Variants in CSMD2 observed in about 807,000 individuals in gnomAD.
The protein encoded by CSMD2 is CUB and sushi domain-containing protein 2.
Under a neutral mutation model 398.5 loss-of-function variants are expected in CSMD2, and 130 were observed. The ratio of observed to expected loss-of-function variants is 0.33; its 90% CI spans 0.28 to 0.38. The LOEUF (loss-of-function observed/expected upper bound fraction) is 0.38, where lower values mean the gene tolerates loss of function less well. Ranked by LOEUF, CSMD2 falls within the 10% of genes least tolerant of loss-of-function variation. The probability of loss-of-function intolerance (pLI) is 1.00; values close to 1 mark genes in which losing one functional copy is unlikely to be tolerated. For synonymous variants in CSMD2, 1,828 were observed against 1,908.5 expected (o/e 0.96, Z 1.10); for missense variants, 3,829 against 4,764.9 (o/e 0.80, Z 5.78).
At chr1:33,550,424 T>C (rs1557520800) in intron 55 of CSMD2, 74 bp from the exon 56 acceptor site, 1 of 1,464,474 alleles carries the variant, frequency 6.8e-7, no homozygotes, top group East Asian at 2.3e-5. Context: ...ATGCTAGGCT[T>C]CTTTAAGCAA....
chr1:33,595,811 C>T (rs1248286940), intron 44 of CSMD2, among the ~76,000 whole-genome samples: 2 of 152,188 alleles, frequency 1.3e-5, no homozygotes, highest in Admixed American at 6.5e-5. Context: ...AGCCCTGGTC[C>T]ATTTTAGTGG....
chr1:33,978,363 G>A (rs903141728), intron 3 of CSMD2, among the ~76,000 whole-genome samples: 3 of 152,090 alleles, frequency 2.0e-5, no homozygotes, highest in East Asian at 3.9e-4. Flanking sequence ...ATTTAGCACC[G>A]TGTTCCAGGC....
At chr1:34,024,465 A>G (rs937338592) in intron 3 of CSMD2, among the ~76,000 whole-genome samples, 1 of 152,258 alleles carries the variant, frequency 6.6e-6, no homozygotes, top group Non-Finnish European at 1.5e-5. Context: ...ATTACTATGC[A>G]TGATGAACTA....
At chr1:33,814,527 C>A (rs1395626782) in intron 9 of CSMD2, among the ~76,000 whole-genome samples, 1 of 152,102 alleles carries the variant, frequency 6.6e-6, no homozygotes, top group Non-Finnish European at 1.5e-5. Flanking sequence ...TTGGAGGGAA[C>A]AGAAGCCATA....
At chr1:33,818,745 A>T (rs1657760623) in intron 9 of CSMD2, among the ~76,000 whole-genome samples, 1 of 152,056 alleles carries the variant, frequency 6.6e-6, no homozygotes, top group Non-Finnish European at 1.5e-5. Context: ...TTATAGTGAC[A>T]CTCTTCTAGA....
At chr1:33,630,660 T>C (rs1056605069) in intron 32 of CSMD2, among the ~76,000 whole-genome samples, 3 of 152,200 alleles carry the variant, frequency 2.0e-5, no homozygotes, top group Non-Finnish European at 4.4e-5. Flanking sequence ...CCTTGGCTAC[T>C]GAAGGGACTT....
intron 53 of CSMD2, among the ~76,000 whole-genome samples, chr1:33,564,558 C>G (rs1658874999): frequency 3.3e-5 from 5 of 152,200 alleles, no homozygotes; most frequent in African/African-American, 1.2e-4. Flanking sequence ...TGACTGAATA[C>G]AGATGGAACT....
rs963151536 is a variant in CSMD2 at position 33,649,398 on chromosome 1, C to T, written c.4587-2563G>A. ...GTGGCTCATGTCTGTAATCTCAGCA[C>T]TTTGGGAGGCCAAGGTGGGCAGGTC... On this transcript the variant is annotated intron_variant, in intron 28 of 70. Coordinates refer to ENST00000373381, the MANE Select transcript of CSMD2 (RefSeq NM_001281956.2). 2.6e-5 allele frequency among the ~76,000 whole-genome samples: 4 copies of T among 152,202 alleles called. No individual in the cohort carries two copies. The East Asian group carries it at 7.7e-4, about 29-fold the overall frequency.
chr1:33,646,893 G>A lies in CSMD2; in HGVS notation c.4587-58C>T, dbSNP rs148751503. 1,672 of 1,527,184 alleles carry A rather than the reference G, an allele frequency of 1.1e-3. 1 individual carries two copies. The highest frequency in any genetic ancestry group is 4.5e-3 in the East Asian group (183 of 40,998). 94.6% of individuals were successfully genotyped at this position (1,527,184 alleles called of 1,614,324 possible). On this transcript the variant is annotated intron_variant, in intron 28 of 70. Transcript: ENST00000373381. ...CTAAGGTCAAATAAAGGCTTTTGCC[G>A]GGGTCTTAGGCTCAACCAAAGCATA...
At chr1:33,997,487 T>C (rs1646764146) in intron 3 of CSMD2, among the ~76,000 whole-genome samples, 1 of 152,202 alleles carries the variant, frequency 6.6e-6, no homozygotes, top group Non-Finnish European at 1.5e-5. Flanking sequence ...CCCAGCTCAT[T>C]TGCATGGTGG....
At chr1:33,736,458 G>T (rs966082200) in intron 15 of CSMD2, among the ~76,000 whole-genome samples, 6 of 151,858 alleles carry the variant, frequency 4.0e-5, no homozygotes, top group Admixed American at 3.3e-4. Context: ...TCCAGCCTGG[G>T]CGACAGCAAG....
intron 33 of CSMD2, among the ~76,000 whole-genome samples, chr1:33,626,278 C>T (rs1319147907): frequency 6.6e-6 from 1 of 152,170 alleles, no homozygotes; most frequent in Admixed American, 6.5e-5. Flanking sequence ...CCTCATTAAA[C>T]ACAGAACTTG....
chr1:33,645,023 T>C (rs1269475058), intron 29 of CSMD2, among the ~76,000 whole-genome samples: 5 of 152,062 alleles, frequency 3.3e-5, no homozygotes, highest in Admixed American at 6.6e-5. Context: ...AGTTGATGGA[T>C]ATAGAGCACT....
Position 33,553,891 on chromosome 1 carries a change from A to G in CSMD2, c.8744-3541T>C, listed in dbSNP as rs1046405822. Among the ~76,000 whole-genome samples, 3 of 152,246 alleles carry G rather than the reference A, an allele frequency of 2.0e-5. No individual in the cohort carries two copies. The East Asian group carries it at 5.8e-4, about 30-fold the overall frequency. On this transcript the variant is annotated intron_variant, in intron 55 of 70. Transcript: ENST00000373381. ...GAAGGTAGGTAGATCTGGACAGAAG[A>G]TCAAACCAGCCACAATATTCCCTTA...
At chr1:33,927,433 T>C (rs977832080) in intron 4 of CSMD2, among the ~76,000 whole-genome samples, 1 of 152,214 alleles carries the variant, frequency 6.6e-6, no homozygotes, top group Non-Finnish European at 1.5e-5. Context: ...TGAGCTTTCA[T>C]TATGGGCCAG....
chr1:33,912,019 AC>A (rs1643474841), intron 5 of CSMD2, among the ~76,000 whole-genome samples: 1 of 152,100 alleles, frequency 6.6e-6, no homozygotes, highest in Non-Finnish European at 1.5e-5. Flanking sequence ...ATCCTTCTCG[AC>A]CTGTCTCAAG....
At chr1:34,071,782 C>A (rs982796977) in intron 2 of CSMD2, among the ~76,000 whole-genome samples, 3 of 152,194 alleles carry the variant, frequency 2.0e-5, no homozygotes, top group Non-Finnish European at 2.9e-5. Flanking sequence ...AAACTGTTCG[C>A]CAAAGACAAC....
chr1:34,125,572 C>T (rs1159571888), intron 1 of CSMD2, among the ~76,000 whole-genome samples: 4 of 151,120 alleles, frequency 2.6e-5, no homozygotes, highest in East Asian at 2.0e-4. Flanking sequence ...TTTGGCAGGC[C>T]GTTCTGCAGA....
intron 25 of CSMD2, among the ~76,000 whole-genome samples, chr1:33,685,678 C>T (rs1025951105): frequency 3.3e-5 from 5 of 152,194 alleles, no homozygotes; most frequent in Admixed American, 1.3e-4. Flanking sequence ...CCCCTATGTT[C>T]ATACCTTTGC....
Sources: allele counts gnomAD v4.1 joint callset (sites outside exome capture counted in the v4.1 genomes callset), GRCh38; gene constraint gnomAD v4.1.1; transcripts MANE v1.5; gene names NCBI Gene and HGNC (gene_info 2026-07-23, HGNC 2026-07-21).